The following STAG1 variants were observed in gnomAD, a reference collection of about 807,000 sequenced individuals.
The protein encoded by STAG1 is STAG1 cohesin complex component.
STAG1 carries 26 observed loss-of-function variants against 170.9 expected under a neutral mutation model. The ratio of observed to expected loss-of-function variants is 0.15; its 90% confidence interval spans 0.11 to 0.21. The LOEUF (loss-of-function observed/expected upper bound fraction) is 0.21. Ranked by LOEUF, STAG1 falls within the 10% of genes least tolerant of loss-of-function variation. The probability of loss-of-function intolerance (pLI) is 1.00; values close to 1 mark genes in which losing one functional copy is unlikely to be tolerated. For synonymous variants in STAG1, 514 were observed against 497.7 expected (o/e 1.03, Z -0.44); for missense variants, 964 against 1,509.5 (o/e 0.64, Z 5.99).
intron 1 of STAG1, among the ~76,000 whole-genome samples, chr3:136,739,234 T>C (rs1934518073): frequency 2.0e-5 from 3 of 152,122 alleles, no homozygotes; most frequent in Admixed American, 2.0e-4. Context: ...CACTACACAC[T>C]GGGTGAGGCT....
intron 1 of STAG1, among the ~76,000 whole-genome samples, chr3:136,680,394 G>C (rs944475351): frequency 2.0e-5 from 3 of 152,084 alleles, no homozygotes; most frequent in African/African-American, 7.2e-5. Flanking sequence ...TCACATAAAG[G>C]CCTATATAAG....
intron 23 of STAG1, 83 bp from the exon 24 acceptor site, chr3:136,369,365 A>C: frequency 8.6e-7 from 1 of 1,161,780 alleles, no homozygotes. Flanking sequence ...ATGAAATTAA[A>C]ACATAGTTTA....
chr3:136,420,757 T>A (rs1157357583), intron 20 of STAG1, among the ~76,000 whole-genome samples: 2 of 152,148 alleles, frequency 1.3e-5, no homozygotes, highest in African/African-American at 2.4e-5. Context: ...AGCTGTGTGC[T>A]TACACACCTG....
At chr3:136,511,976 C>T (rs973813985) in intron 7 of STAG1, among the ~76,000 whole-genome samples, 3 of 150,864 alleles carry the variant, frequency 2.0e-5, no homozygotes, top group South Asian at 2.1e-4. Context: ...AAGCACTGGG[C>T]GTGTGGTGGT....
chr3:136,730,379 T>C (rs1306184576), intron 1 of STAG1, among the ~76,000 whole-genome samples: 1 of 152,178 alleles, frequency 6.6e-6, no homozygotes, highest in African/African-American at 2.4e-5. Flanking sequence ...TTTGTTTTAA[T>C]TGCTTAAGAC....
chr3:136,675,610 T>C (rs895776653), intron 1 of STAG1, among the ~76,000 whole-genome samples: 24 of 152,192 alleles, frequency 1.6e-4, no homozygotes, highest in African/African-American at 4.6e-4. Flanking sequence ...GTAGGTTTAC[T>C]ATATTCACCA....
chr3:136,496,112 C>T (rs1459416473), intron 9 of STAG1, among the ~76,000 whole-genome samples: 1 of 152,026 alleles, frequency 6.6e-6, no homozygotes, highest in South Asian at 2.1e-4. Flanking sequence ...CCACTGCACT[C>T]CAGCCTGGGC....
chr3:136,490,698 G>C (rs2090108807), intron 9 of STAG1, among the ~76,000 whole-genome samples: 1 of 152,128 alleles, frequency 6.6e-6, no homozygotes, highest in Admixed American at 6.5e-5. Context: ...AGTTTGTTCA[G>C]AATAAATCTA....
intron 1 of STAG1, among the ~76,000 whole-genome samples, chr3:136,671,006 C>T (rs1009408283): frequency 6.6e-6 from 1 of 151,834 alleles, no homozygotes; most frequent in Non-Finnish European, 1.5e-5. Context: ...AAGTACCGGC[C>T]GGGTGTGGTG....
chr3:136,689,143 T>C (rs1394779192), intron 1 of STAG1, among the ~76,000 whole-genome samples: 1 of 152,224 alleles, frequency 6.6e-6, no homozygotes. Flanking sequence ...TCAAGAATAA[T>C]TTTGGCCATG....
At chr3:136,441,051 G>C (rs1199565175) in intron 15 of STAG1, among the ~76,000 whole-genome samples, 1 of 66,570 alleles carries the variant, frequency 1.5e-5, no homozygotes, top group Non-Finnish European at 3.1e-5. Context: ...TTTTTTTTTT[G>C]AGATGAAGTC....
chr3:136,734,077 A>G (rs984428862), intron 1 of STAG1, among the ~76,000 whole-genome samples: 2 of 149,706 alleles, frequency 1.3e-5, no homozygotes, highest in African/African-American at 4.9e-5. Flanking sequence ...ACTGCACTCC[A>G]GCCTGGGAGA....
chr3:136,479,060 C>CTTTTTTTTTTTTTTTTTATTTTTTTT (rs66966875), intron 9 of STAG1, among the ~76,000 whole-genome samples: 1 of 125,174 alleles, frequency 8.0e-6, no homozygotes, highest in Non-Finnish European at 1.6e-5. Context: ...TATAATCTTT[C>CTTTTTTTTTTTTTTTTTATTTTTTTT]TTTTTTTTTT....
chr3:136,523,390 T>A (rs189932395), intron 6 of STAG1, among the ~76,000 whole-genome samples: 3 of 145,852 alleles, frequency 2.1e-5, no homozygotes, highest in East Asian at 4.1e-4. Flanking sequence ...TCTGTTCATA[T>A]CCTTAGCCCA....
intron 1 of STAG1, among the ~76,000 whole-genome samples, chr3:136,664,249 G>C: frequency 6.6e-6 from 1 of 152,170 alleles, no homozygotes; most frequent in Non-Finnish European, 1.5e-5. Context: ...TTTAGTTATA[G>C]ATTTACAAGT....
Position 136,337,973 on chromosome 3 carries a change from TCCTC to T in STAG1, c.*277_*280del, listed in dbSNP as rs1422081160. 4 of 330,380 alleles carry T rather than the reference TCCTC, an allele frequency of 1.2e-5. No individual in the cohort carries two copies. The highest frequency in any genetic ancestry group is 1.6e-5 in the Non-Finnish European group (3 of 182,110). The allele number at this position is 330,380 out of a possible 1,614,324, so 20.5% of individuals were successfully genotyped here. A position where few individuals can be genotyped will look rare whatever the true frequency, so the allele number is the denominator to read the frequency against. ...GCTGTTTTAAAAATTTAAAATTTCT[TCCTC>T]CCTCCAGAAAAACACACACATCTGT... On this transcript the variant is annotated 3_prime_UTR_variant, in exon 34 of 34. Coordinates refer to ENST00000383202, the MANE Select transcript of STAG1 (RefSeq NM_005862.3).
At chr3:136,429,440 T>C (rs2088230106) in intron 16 of STAG1, among the ~76,000 whole-genome samples, 1 of 152,092 alleles carries the variant, frequency 6.6e-6, no homozygotes, top group Non-Finnish European at 1.5e-5. Context: ...GAGGAACTAA[T>C]AGAGGATGAC....
intron 26 of STAG1, among the ~76,000 whole-genome samples, chr3:136,361,221 G>A (rs1332521558): frequency 6.6e-6 from 1 of 152,054 alleles, no homozygotes; most frequent in African/African-American, 2.4e-5. Context: ...TTACATAAAT[G>A]GTAGCATACT....
intron 24 of STAG1, among the ~76,000 whole-genome samples, chr3:136,368,586 T>C (rs1444592380): frequency 6.6e-6 from 1 of 152,192 alleles, no homozygotes; most frequent in Admixed American, 6.6e-5. Flanking sequence ...ATGACAAATG[T>C]ACACTACTAT....
Sources: allele counts gnomAD v4.1 joint callset (sites outside exome capture counted in the v4.1 genomes callset), GRCh38; gene constraint gnomAD v4.1.1; transcripts MANE v1.5; gene names NCBI Gene and HGNC (gene_info 2026-07-23, HGNC 2026-07-21).